Variants in ALDH2 observed in about 807,000 individuals in gnomAD.
ALDH2 encodes aldehyde dehydrogenase 2 family member.
In ALDH2, 44 loss-of-function variants were observed where a neutral mutation model predicts 59.6. The observed-to-expected ratio is 0.74, with a 90% CI of 0.58 to 0.95. The LOEUF (loss-of-function observed/expected upper bound fraction) is 0.95. Among genes scored for constraint, ALDH2 ranks in the 40% least tolerant of loss-of-function variants. The pLI is 0.00. For missense variants in ALDH2, 570 were observed against 696.3 expected (o/e 0.82, Z 2.04); for synonymous variants, 291 against 284.0 (o/e 1.02, Z -0.25).
At chr12:111,769,333 G>A (rs754171869) in intron 1 of ALDH2, among the ~76,000 whole-genome samples, 1 of 152,090 alleles carries the variant, frequency 6.6e-6, no homozygotes, top group South Asian at 2.1e-4. Flanking sequence ...TGGGAAGATC[G>A]CTTGAGATTA....
intron 1 of ALDH2, among the ~76,000 whole-genome samples, chr12:111,772,559 C>T (rs2068207581): frequency 6.6e-6 from 1 of 151,874 alleles, no homozygotes; most frequent in Non-Finnish European, 1.5e-5. Flanking sequence ...GTTGGGGTTT[C>T]ACCATGTTGG....
At chr12:111,787,694 G>A (rs1423925940) in intron 4 of ALDH2, among the ~76,000 whole-genome samples, 1 of 151,976 alleles carries the variant, frequency 6.6e-6, no homozygotes, top group Non-Finnish European at 1.5e-5. Flanking sequence ...TCAGGAGTTC[G>A]AGACCAGCCT....
At chr12:111,801,174 C>T (rs2068448731) in intron 11 of ALDH2, among the ~76,000 whole-genome samples, 1 of 152,178 alleles carries the variant, frequency 6.6e-6, no homozygotes, top group South Asian at 2.1e-4. Context: ...GAGAAGAGAA[C>T]TTGTGCAGGG....
chr12:111,791,506 C>T (rs570389870), intron 7 of ALDH2, 87 bp downstream of exon 7: 176 of 1,050,750 alleles, frequency 1.7e-4, no homozygotes, highest in Middle Eastern at 2.5e-4. Context: ...GGTGAGCTCC[C>T]GGGTGTCAAG....
chr12:111,806,980 A>G (rs1268842159), intron 12 of ALDH2, among the ~76,000 whole-genome samples: 1 of 151,598 alleles, frequency 6.6e-6, no homozygotes, highest in Non-Finnish European at 1.5e-5. Flanking sequence ...AAAAACAAAC[A>G]AACAGACCGG....
intron 4 of ALDH2, 91 bp from the exon 5 acceptor site, chr12:111,789,732 G>A: frequency 9.3e-7 from 1 of 1,080,690 alleles, no homozygotes; most frequent in Non-Finnish European, 1.4e-6. Flanking sequence ...GAAAGACTCA[G>A]CTGGACCAGT....
Position 111,812,585 on chromosome 12 carries a change from G to C in ALDH2, c.*3010G>C, listed in dbSNP as rs1331046651. ...TATGTATGGAGGGTGCATCATTTAA[G>C]AGTATTTTAGGCCAGGCACTGTGGC... On this transcript the variant is annotated 3_prime_UTR_variant, in exon 13 of 13. Coordinates refer to ENST00000261733, the MANE Select transcript of ALDH2 (RefSeq NM_000690.4). 6.6e-6 allele frequency: 1 copy of C among 152,126 alleles called. No individual in the cohort carries two copies. The highest frequency in any genetic ancestry group is 1.5e-5 in the Non-Finnish European group (1 of 68,042). The allele number at this position is 152,126 out of a possible 1,614,324, so 9.4% of individuals were successfully genotyped here.
intron 7 of ALDH2, 67 bp from the exon 8 acceptor site, chr12:111,791,994 G>A: frequency 1.0e-6 from 1 of 986,384 alleles, no homozygotes; most frequent in Non-Finnish European, 1.6e-6. Flanking sequence ...TCTGTTCTGT[G>A]TCTATAGAGT....
intron 9 of ALDH2, among the ~76,000 whole-genome samples, chr12:111,797,576 G>T (rs936424735): frequency 6.6e-6 from 1 of 151,300 alleles, no homozygotes; most frequent in Non-Finnish European, 1.5e-5. Flanking sequence ...ACTCCAGCCT[G>T]GGTGACAGAG....
chr12:111,789,640 G>A (rs568338025), intron 4 of ALDH2, among the ~76,000 whole-genome samples, 183 bp from the exon 5 acceptor site: 1 of 152,300 alleles, frequency 6.6e-6, no homozygotes, highest in East Asian at 1.9e-4. Flanking sequence ...AGGCTTGGGG[G>A]TTAGCTACCT....
chr12:111,786,430 G>A (rs946875106), intron 4 of ALDH2, among the ~76,000 whole-genome samples: 1 of 152,060 alleles, frequency 6.6e-6, no homozygotes, highest in Admixed American at 6.6e-5. Context: ...TGGAGATGGG[G>A]TTTCACCGTG....
At chr12:111,796,422 A>T (rs940212945) in intron 9 of ALDH2, among the ~76,000 whole-genome samples, 2 of 151,952 alleles carry the variant, frequency 1.3e-5, no homozygotes, top group Non-Finnish European at 2.9e-5. Flanking sequence ...CTGAGGTGGG[A>T]GCCCAGGAGG....
chr12:111,791,142 G>A (rs1352761608), intron 6 of ALDH2, among the ~76,000 whole-genome samples, 164 bp from the exon 7 acceptor site: 1 of 152,176 alleles, frequency 6.6e-6, no homozygotes, highest in Non-Finnish European at 1.5e-5. Context: ...CTCCTTCTCC[G>A]TCCCATTTAG....
chr12:111,803,146 C>T (rs1244599532), intron 11 of ALDH2, among the ~76,000 whole-genome samples: 17 of 151,716 alleles, frequency 1.1e-4, no homozygotes, highest in African/African-American at 4.1e-4. Flanking sequence ...GATCTCACCA[C>T]TGCACTCCAG....
chr12:111,797,344 C>A (rs1270029922), intron 9 of ALDH2, among the ~76,000 whole-genome samples: 1 of 152,146 alleles, frequency 6.6e-6, no homozygotes, highest in Non-Finnish European at 1.5e-5. Flanking sequence ...TTTTAACCAA[C>A]CCCTCTACTG....
chr12:111,809,440 A>G, intron 12 of ALDH2, 103 bp from the exon 13 acceptor site: 1 of 1,342,944 alleles, frequency 7.4e-7, no homozygotes, highest in Non-Finnish European at 1.1e-6. Flanking sequence ...GGGAGAAAAA[A>G]AGAAAAGCCC....
At chr12:111,799,584 C>T (rs2068432490) in intron 10 of ALDH2, among the ~76,000 whole-genome samples, 1 of 152,086 alleles carries the variant, frequency 6.6e-6, no homozygotes, top group Non-Finnish European at 1.5e-5. Flanking sequence ...GCTGGGATTA[C>T]AGGCATGAGC....
intron 4 of ALDH2, among the ~76,000 whole-genome samples, chr12:111,789,071 A>G (rs1318986094): frequency 7.1e-6 from 1 of 140,952 alleles, no homozygotes; most frequent in Non-Finnish European, 1.5e-5. Context: ...AGGCTGGAGT[A>G]CAGTGGCGTG....
chr12:111,774,636 C>T (rs1188669592), intron 1 of ALDH2, among the ~76,000 whole-genome samples: 1 of 152,092 alleles, frequency 6.6e-6, no homozygotes, highest in African/African-American at 2.4e-5. Context: ...TCATTGGAGA[C>T]CCTGGGCAGA....
Sources: gnomAD v4.1 joint callset for allele counts (sites outside exome capture counted in the v4.1 genomes callset) on GRCh38, gnomAD v4.1.1 for gene constraint, MANE v1.5 for transcripts, NCBI Gene and HGNC (gene_info 2026-07-23, HGNC 2026-07-21) for gene names.